Variants in LRRK1 observed in about 807,000 individuals in gnomAD.
The protein encoded by LRRK1 is leucine-rich repeat serine/threonine-protein kinase 1.
In LRRK1, 113 loss-of-function variants were observed where a neutral mutation model predicts 209.1. That is an observed-to-expected ratio of 0.54 (90% CI 0.46 to 0.63). The LOEUF (loss-of-function observed/expected upper bound fraction) is 0.63, where lower values mean the gene tolerates loss of function less well. Among genes scored for constraint, LRRK1 ranks in the 30% least tolerant of loss-of-function variants. LRRK1 has a pLI of 0.00. For missense variants in LRRK1, 2,284 were observed against 2,632.2 expected (o/e 0.87, Z 2.89); for synonymous variants, 1,144 against 1,099.7 (o/e 1.04, Z -0.80).
intron 2 of LRRK1, among the ~76,000 whole-genome samples, chr15:100,941,358 G>GTGTGTCTGTATC (rs2042413451): frequency 7.0e-6 from 1 of 141,988 alleles, no homozygotes; most frequent in African/African-American, 2.9e-5. Flanking sequence ...TTGTGTGTGT[G>GTGTGTCTGTATC]TGTGTGTGCC....
intron 2 of LRRK1, among the ~76,000 whole-genome samples, chr15:100,928,488 C>T (rs1288248499): frequency 3.9e-5 from 6 of 152,164 alleles, no homozygotes; most frequent in Non-Finnish European, 7.3e-5. Flanking sequence ...TTTCCAGCTC[C>T]GGCTGAGAAA....
chr15:101,067,568 G>A (rs1198009312), intron 33 of LRRK1, among the ~76,000 whole-genome samples: 1 of 152,142 alleles, frequency 6.6e-6, no homozygotes, highest in Non-Finnish European at 1.5e-5. Context: ...GCATAAGAGG[G>A]TGGAGAAACA....
chr15:101,007,805 C>T (rs910570928), intron 6 of LRRK1, among the ~76,000 whole-genome samples: 2 of 152,250 alleles, frequency 1.3e-5, no homozygotes, highest in Non-Finnish European at 2.9e-5. Flanking sequence ...AGTTATTAAC[C>T]AAGTCCTGGC....
At chr15:100,989,985 A>T (rs895207158) in intron 6 of LRRK1, among the ~76,000 whole-genome samples, 1 of 152,168 alleles carries the variant, frequency 6.6e-6, no homozygotes, top group Non-Finnish European at 1.5e-5. Flanking sequence ...TTGTTATAAC[A>T]AGTGATCACA....
At chr15:101,002,788 C>T (rs2032761103) in intron 6 of LRRK1, among the ~76,000 whole-genome samples, 1 of 152,148 alleles carries the variant, frequency 6.6e-6, no homozygotes, top group African/African-American at 2.4e-5. Context: ...GGTTGGAGTG[C>T]AGGGGTGCAA....
At chr15:101,041,159 G>GT (rs1175810561) in intron 20 of LRRK1, among the ~76,000 whole-genome samples, 1 of 152,064 alleles carries the variant, frequency 6.6e-6, no homozygotes, top group Non-Finnish European at 1.5e-5. Flanking sequence ...TTTATCACTG[G>GT]TAATACTCCT....
chr15:101,063,843 T>C (rs1596355108), intron 31 of LRRK1, among the ~76,000 whole-genome samples: 1 of 149,592 alleles, frequency 6.7e-6, no homozygotes, highest in Admixed American at 6.7e-5. Context: ...AAATGAACCT[T>C]AGAGTCATTT....
At chr15:100,972,363 A>AGAGAGAGAGAGT (rs1176201849) in intron 2 of LRRK1, among the ~76,000 whole-genome samples, 6 of 98,472 alleles carry the variant, frequency 6.1e-5, no homozygotes, top group Non-Finnish European at 9.5e-5. Flanking sequence ...AGAGAGAGAG[A>AGAGAGAGAGAGT]GTGTGTGTGT....
chr15:101,046,166 G>C lies in LRRK1; in HGVS notation c.3135+14G>C, dbSNP rs186012637. The C allele has an allele frequency of 6.2e-7, 1 of 1,613,130 alleles. No homozygotes were observed. The highest frequency in any genetic ancestry group is 8.5e-7 in the Non-Finnish European group (1 of 1,179,420). On this transcript the variant is annotated intron_variant, in intron 21 of 33. Coordinates refer to ENST00000388948, the MANE Select transcript of LRRK1 (RefSeq NM_024652.6). ...ATGGACCTGCAGGTATTATGGCTGC[G>C]GTTTCTGCATAGACAGATGCCCGAG... is the stretch of plus-strand genomic sequence containing the variant.
At chr15:101,030,559 G>A (rs139627615) in intron 20 of LRRK1, among the ~76,000 whole-genome samples, 6 of 151,990 alleles carry the variant, frequency 3.9e-5, no homozygotes, top group African/African-American at 7.3e-5. Context: ...TGGTCCCACC[G>A]ATCACCTTCC....
chr15:101,048,714 G>A (rs930106216), intron 22 of LRRK1, 57 bp downstream of exon 22: 15 of 1,414,540 alleles, frequency 1.1e-5, no homozygotes, highest in East Asian at 2.7e-5. Context: ...CAGCCACCGC[G>A]GGGCCACGTC....
Position 101,077,706 on chromosome 15 carries a change from G to GA in LRRK1, c.*8860dup, listed in dbSNP as rs2037030565. 1 of 151,940 alleles carries GA rather than the reference G, an allele frequency of 6.6e-6. No individual in the cohort carries two copies. The highest frequency in any genetic ancestry group is 2.4e-5 in the African/African-American group (1 of 41,324). The allele number at this position is 151,940 out of a possible 1,614,324, so 9.4% of individuals were successfully genotyped here. On this transcript the variant is annotated 3_prime_UTR_variant, in exon 34 of 34. Coordinates refer to ENST00000388948, the MANE Select transcript of LRRK1 (RefSeq NM_024652.6). ...CCACTCTAGGTTCCCACGCCGCCCCGAATCCCGCTCGAAGCAGCCCTGAGA... is the reference window on the plus strand; with the variant it reads ...CCACTCTAGGTTCCCACGCCGCCCCGAAATCCCGCTCGAAGCAGCCCTGAGA...
chr15:101,047,278 G>C (rs1261821533), intron 21 of LRRK1, among the ~76,000 whole-genome samples: 2 of 152,216 alleles, frequency 1.3e-5, no homozygotes, highest in East Asian at 3.8e-4. Flanking sequence ...AAAGTCCATC[G>C]TGACAGTAGC....
intron 2 of LRRK1, among the ~76,000 whole-genome samples, chr15:100,972,959 G>A (rs2031021120): frequency 6.6e-6 from 1 of 151,366 alleles, no homozygotes; most frequent in Non-Finnish European, 1.5e-5. Flanking sequence ...TACAATTTTA[G>A]GGTGTTCAGG....
At chr15:101,062,927 C>T (rs2141157674) in intron 31 of LRRK1, among the ~76,000 whole-genome samples, 1 of 152,292 alleles carries the variant, frequency 6.6e-6, no homozygotes, top group African/African-American at 2.4e-5. Context: ...ATGAAAAACC[C>T]CCTTTCACAT....
intron 2 of LRRK1, among the ~76,000 whole-genome samples, chr15:100,925,573 A>G (rs1210965144): frequency 6.6e-6 from 1 of 152,218 alleles, no homozygotes; most frequent in African/African-American, 2.4e-5. Context: ...GGTCTTGAAC[A>G]TCGTTAAGCT....
At chr15:100,992,375 C>T (rs562129438) in intron 6 of LRRK1, among the ~76,000 whole-genome samples, 1 of 152,236 alleles carries the variant, frequency 6.6e-6, no homozygotes, top group South Asian at 2.1e-4. Context: ...TTATCCATTT[C>T]CTTTAGGTTT....
At chr15:101,018,460 A>G (rs2033642020) in intron 12 of LRRK1, among the ~76,000 whole-genome samples, 1 of 152,160 alleles carries the variant, frequency 6.6e-6, no homozygotes, top group Non-Finnish European at 1.5e-5. Context: ...GTATGAGAAC[A>G]GGAGCTAGTG....
At position 101,008,867 on chromosome 15, in the gene LRRK1, C is replaced by T; in HGVS notation, c.793C>T (p.Leu265=). The T allele has an allele frequency of 6.2e-7, 1 of 1,614,210 alleles. No individual in the cohort carries two copies. The highest frequency in any genetic ancestry group is 8.5e-7 in the Non-Finnish European group (1 of 1,180,006). The change falls in exon 7 of 34, where the codon CTG becomes TTG. Residue 265 remains leucine, a synonymous_variant. Transcript: ENST00000388948. ...CCGTGTGAAATGGTCCCATCTCAGA[C>T]TGCCCTGGGTAGACCTAGACTGGCT... ...ALRVKWSHLR[L]PWVDLDWLID...
Sources: gnomAD v4.1 joint callset for allele counts (sites outside exome capture counted in the v4.1 genomes callset) on GRCh38, gnomAD v4.1.1 for gene constraint, MANE v1.5 for transcripts, NCBI Gene and HGNC (gene_info 2026-07-23, HGNC 2026-07-21) for gene names.